The following CYP2J2 variants were observed in gnomAD, a reference collection of about 807,000 sequenced individuals.
CYP2J2 encodes cytochrome P450 2J2.
Under a neutral mutation model 48.8 loss-of-function variants are expected in CYP2J2, and 41 were observed. The ratio of observed to expected loss-of-function variants is 0.84; its 90% CI spans 0.66 to 1.09. The LOEUF (loss-of-function observed/expected upper bound fraction) is 1.09, where lower values mean the gene tolerates loss of function less well. CYP2J2 is among the 50% of genes least tolerant of loss of function. CYP2J2 has a pLI of 0.00. For missense variants in CYP2J2, 644 were observed against 617.3 expected, an observed-to-expected ratio of 1.04 and a Z score of -0.46; for synonymous variants, 221 against 227.1, an observed-to-expected ratio of 0.97 and a Z score of 0.24.
chr1:59,953,039 A>G, the CYP2J2 span, among the ~76,000 whole-genome samples: 3 of 152,214 alleles, frequency 2.0e-5, no homozygotes, highest in Non-Finnish European at 2.9e-5. Flanking sequence ...AGAGTTAGAG[A>G]AAACCTAGGA....
chr1:59,933,577 G>A, the CYP2J2 span, among the ~76,000 whole-genome samples: 2 of 152,032 alleles, frequency 1.3e-5, no homozygotes, highest in Non-Finnish European at 2.9e-5. Context: ...AGTTTTTTGG[G>A]GGGTGGTGTG....
chr1:59,897,837 C>T (rs1053744949), intron 8 of CYP2J2, among the ~76,000 whole-genome samples: 4 of 152,072 alleles, frequency 2.6e-5, no homozygotes, highest in African/African-American at 9.7e-5. Flanking sequence ...AAAGTGAGGA[C>T]TTCGGAAGAG....
chr1:59,952,537 C>T, the CYP2J2 span, among the ~76,000 whole-genome samples: 6 of 152,068 alleles, frequency 3.9e-5, no homozygotes, highest in African/African-American at 9.6e-5. Flanking sequence ...TGAGGGCAGC[C>T]GAAAGCGGTA....
the CYP2J2 span, among the ~76,000 whole-genome samples, chr1:59,940,593 G>T: frequency 6.6e-6 from 1 of 152,126 alleles, no homozygotes; most frequent in African/African-American, 2.4e-5. Context: ...CTTCAATCCA[G>T]CAGTCCAACT....
the CYP2J2 span, among the ~76,000 whole-genome samples, chr1:59,935,248 T>C: frequency 2.0e-5 from 3 of 151,620 alleles, no homozygotes; most frequent in Non-Finnish European, 2.9e-5. Context: ...TTACTAGGGA[T>C]TGCAGGTGGG....
At chr1:59,969,203 C>T in the CYP2J2 span, among the ~76,000 whole-genome samples, 1 of 152,180 alleles carries the variant, frequency 6.6e-6, no homozygotes, top group East Asian at 1.9e-4. Context: ...AAAGGGGATC[C>T]GAGCGGGTTG....
At chr1:59,912,030 A>G in intron 3 of CYP2J2, 132 bp downstream of exon 3, 1 of 1,042,234 alleles carries the variant, frequency 9.6e-7, no homozygotes, top group Non-Finnish European at 1.4e-6. Context: ...TTGAGGACAG[A>G]GTTGTTCACT....
chr1:59,912,040 T>C, intron 3 of CYP2J2, 122 bp downstream of exon 3: 2 of 1,126,110 alleles, frequency 1.8e-6, no homozygotes, highest in African/African-American at 3.2e-5. Flanking sequence ...AGTTGTTCAC[T>C]GTTCTATCTT....
the CYP2J2 span, among the ~76,000 whole-genome samples, chr1:59,950,857 G>A: frequency 6.6e-6 from 1 of 152,172 alleles, no homozygotes; most frequent in African/African-American, 2.4e-5. Flanking sequence ...CATGGTCTCT[G>A]ACTGTTCAGT....
chr1:59,950,368 A>G, the CYP2J2 span, among the ~76,000 whole-genome samples: 64 of 152,140 alleles, frequency 4.2e-4, no homozygotes, highest in Non-Finnish European at 7.8e-4. Flanking sequence ...AGCTTCCCAG[A>G]GCTCTTCATA....
At chr1:59,927,894 T>C, upstream of CYP2J2, among the ~76,000 whole-genome samples, 1 of 152,196 alleles carries the variant, frequency 6.6e-6, no homozygotes, top group East Asian at 1.9e-4. Context: ...TCTTGTTCTC[T>C]TTCTAAGGTC....
At chr1:59,956,061 C>T in the CYP2J2 span, among the ~76,000 whole-genome samples, 44 of 151,932 alleles carry the variant, frequency 2.9e-4, no homozygotes, top group African/African-American at 9.9e-4. Flanking sequence ...ATGTTACATG[C>T]GTATGCCTAC....
At chr1:59,961,489 T>A in the CYP2J2 span, among the ~76,000 whole-genome samples, 1 of 152,150 alleles carries the variant, frequency 6.6e-6, no homozygotes, top group Non-Finnish European at 1.5e-5. Flanking sequence ...TTGGTGAGAA[T>A]GTGTACAGAA....
chr1:59,954,229 A>G, the CYP2J2 span, among the ~76,000 whole-genome samples: 1 of 152,298 alleles, frequency 6.6e-6, no homozygotes, highest in South Asian at 2.1e-4. Context: ...AAAAAGGAAG[A>G]CTATGTTAAG....
intron 7 of CYP2J2, among the ~76,000 whole-genome samples, chr1:59,902,228 T>A (rs1012663638): frequency 1.3e-5 from 2 of 152,234 alleles, no homozygotes; most frequent in African/African-American, 4.8e-5. Context: ...AGTCTGTTTT[T>A]ACAGACCACA....
intron 7 of CYP2J2, among the ~76,000 whole-genome samples, chr1:59,902,329 T>C (rs1644327195): frequency 6.6e-6 from 1 of 152,210 alleles, no homozygotes; most frequent in African/African-American, 2.4e-5. Context: ...ACCTGAGCAT[T>C]TCAGGTATGT....
At chr1:59,928,460 C>T (rs536931789), upstream of CYP2J2, among the ~76,000 whole-genome samples, 9 of 152,312 alleles carry the variant, frequency 5.9e-5, no homozygotes, top group South Asian at 1.5e-3. Context: ...CCCAGATCAA[C>T]GTGACAGAAA....
chr1:59,908,211 G>A (rs1644381640), intron 5 of CYP2J2, among the ~76,000 whole-genome samples: 1 of 152,138 alleles, frequency 6.6e-6, no homozygotes, highest in African/African-American at 2.4e-5. Flanking sequence ...AGGAGAATGG[G>A]ATGTGAACGA....
chr1:59,929,636 C>T (rs1183473232), upstream of CYP2J2, among the ~76,000 whole-genome samples: 1 of 151,844 alleles, frequency 6.6e-6, no homozygotes, highest in Non-Finnish European at 1.5e-5. Context: ...TTAAAAATCA[C>T]TATAGGGGAT....
Sources: allele counts gnomAD v4.1 joint callset (sites outside exome capture counted in the v4.1 genomes callset), GRCh38; gene constraint gnomAD v4.1.1; transcripts MANE v1.5; gene names NCBI Gene and HGNC (gene_info 2026-07-23, HGNC 2026-07-21).